Variants in ST8SIA4 observed in about 807,000 individuals in gnomAD.
ST8SIA4 encodes CMP-N-acetylneuraminate-poly-alpha-2,8-sialyltransferase.
A neutral mutation model predicts 33.9 loss-of-function variants in ST8SIA4; 15 were observed. That is an observed-to-expected ratio of 0.44 (90% CI 0.30 to 0.68). The LOEUF is 0.68. ST8SIA4 is among the 30% of genes least tolerant of loss of function. ST8SIA4 has a pLI of 0.10. For missense variants in ST8SIA4, 321 were observed against 428.0 expected, an observed-to-expected ratio of 0.75 and a Z score of 2.21; for synonymous variants, 171 against 151.2, an observed-to-expected ratio of 1.13 and a Z score of -0.96.
At chr5:100,851,949 C>G (rs1444039487) in intron 4 of ST8SIA4, among the ~76,000 whole-genome samples, 1 of 151,560 alleles carries the variant, frequency 6.6e-6, no homozygotes, top group Non-Finnish European at 1.5e-5. Context: ...ATAAAACTGT[C>G]ATTAATTTAA....
chr5:100,832,602 T>C (rs557700915), intron 4 of ST8SIA4, among the ~76,000 whole-genome samples: 1 of 152,140 alleles, frequency 6.6e-6, no homozygotes, highest in East Asian at 1.9e-4. Context: ...AATACATCCC[T>C]AACTAACTTC....
rs141002831 is a variant in ST8SIA4, at chr5:100,866,578, TCACACA to T, written c.504-10188_504-10183del. On this transcript the variant is annotated intron_variant, in intron 3 of 4. Coordinates refer to ENST00000231461, the MANE Select transcript of ST8SIA4 (RefSeq NM_005668.6). The stretch of plus-strand genomic sequence containing the variant: ...AGAATGCCAGGACCTCTTCTAAATT[TCACACA>T]CACACACACACACACACACACACAC... Among the ~76,000 whole-genome samples, 624 of 146,484 alleles carry T rather than the reference TCACACA, an allele frequency of 4.3e-3. 5 individuals carry two copies. Among genetic ancestry groups the T allele is most frequent in the African/African-American group, 0.011 (440 of 39,878 alleles).
intron 4 of ST8SIA4, among the ~76,000 whole-genome samples, chr5:100,838,252 G>A (rs1373127925): frequency 1.3e-5 from 2 of 151,996 alleles, no homozygotes; most frequent in Non-Finnish European, 2.9e-5. Flanking sequence ...AGAATCACCA[G>A]ATATTGAAAT....
chr5:100,892,729 A>G (rs1023853041), intron 2 of ST8SIA4, among the ~76,000 whole-genome samples: 3 of 152,108 alleles, frequency 2.0e-5, no homozygotes, highest in African/African-American at 7.2e-5. Context: ...TCAGTAAGAT[A>G]AAAAAATGGT....
Position 100,856,257 on chromosome 5 carries a change from G to C in ST8SIA4, c.643C>G (p.Leu215Val), listed in dbSNP as rs1325844969. ...AGGACACTGTCATTCAGCATGGAAA[G>C]TCTATGCACAAATTTTTCTCTGTCA... is the stretch of plus-strand genomic sequence containing the variant. ...ESDREKFVHRLSMLNDSVLWI... is the reference protein window; with the variant it reads ...ESDREKFVHRVSMLNDSVLWI... The change falls in exon 4 of 5, where the codon CTT (leucine) becomes GTT (valine). Residue 215 changes from leucine (L) to valine (V), a missense_variant. Leu to Val is a conservative substitution (Grantham distance 32). Transcript: ENST00000231461. 1 of 1,614,114 alleles carries C rather than the reference G, an allele frequency of 6.2e-7. No individual in the cohort carries two copies. Among genetic ancestry groups the C allele is most frequent in the Non-Finnish European group, 8.5e-7 (1 of 1,179,982 alleles).
intron 1 of ST8SIA4, chr5:100,900,498 G>A (rs541555507): frequency 1.1e-4 from 48 of 456,240 alleles, no homozygotes; most frequent in Non-Finnish European, 1.9e-4. Flanking sequence ...ATGAGCTCGG[G>A]TCACAAGCTT....
intron 1 of ST8SIA4, 29 bp downstream of exon 1, chr5:100,902,814 C>T (rs768116777): frequency 1.7e-5 from 26 of 1,561,836 alleles, no homozygotes; most frequent in Non-Finnish European, 2.3e-5. Context: ...GACTTTTTGT[C>T]ATATCCTGAA....
intron 3 of ST8SIA4, among the ~76,000 whole-genome samples, chr5:100,872,875 T>TAAAAAAA (rs550303574): frequency 7.6e-6 from 1 of 132,436 alleles, no homozygotes; most frequent in Non-Finnish European, 1.6e-5. Flanking sequence ...AGATATGGGC[T>TAAAAAAA]AAAAAAAAAA....
At chr5:100,898,733 T>C (rs1355396997) in intron 1 of ST8SIA4, among the ~76,000 whole-genome samples, 3 of 152,208 alleles carry the variant, frequency 2.0e-5, no homozygotes, top group Non-Finnish European at 4.4e-5. Flanking sequence ...TTCCCATGAA[T>C]GCGAAGCTTG....
In ST8SIA4 at chr5:100,809,782, T is replaced by C. The variant is rs1750778547; in HGVS notation, c.*2065A>G. The C allele has an allele frequency of 1.3e-5, 2 of 152,320 alleles. No individual in the cohort carries two copies. Among genetic ancestry groups the C allele is most frequent in the African/African-American group, 4.8e-5 (2 of 41,576 alleles). The allele number at this position is 152,320 out of a possible 1,614,324, so 9.4% of individuals were successfully genotyped here. On this transcript the variant is annotated 3_prime_UTR_variant, in exon 5 of 5. Transcript: ENST00000231461. ...TTTAATTATAAAAGTACATTAATGTTCCATTCATTTTTAGCTATCAGTCTC... is the reference window on the plus strand; with the variant it reads ...TTTAATTATAAAAGTACATTAATGTCCCATTCATTTTTAGCTATCAGTCTC...
At chr5:100,871,635 C>T (rs2112457238) in intron 3 of ST8SIA4, among the ~76,000 whole-genome samples, 1 of 152,100 alleles carries the variant, frequency 6.6e-6, no homozygotes, top group East Asian at 1.9e-4. Flanking sequence ...TAATTTGTGT[C>T]TCTAGTCAAC....
chr5:100,895,633 T>C (rs527306897), intron 2 of ST8SIA4, 21 bp downstream of exon 2: 2 of 1,596,984 alleles, frequency 1.3e-6, no homozygotes, highest in Non-Finnish European at 1.7e-6. Flanking sequence ...AAATTTATTA[T>C]GCCTTAGTAA....
chr5:100,830,151 T>G (rs1751222141), intron 4 of ST8SIA4, among the ~76,000 whole-genome samples: 1 of 152,212 alleles, frequency 6.6e-6, no homozygotes, highest in Non-Finnish European at 1.5e-5. Context: ...CTTGCAAAAC[T>G]GTTGAAGACC....
Position 100,811,482 on chromosome 5 carries a change from G to T in ST8SIA4, c.*365C>A. On this transcript the variant is annotated 3_prime_UTR_variant, in exon 5 of 5. Transcript: ENST00000231461. ...TTTAATTTCCCAAGGTCTGAGTTGC[G>T]TTCCTGGGGTTCCTCTTCTAATATG... 1 of 164,516 alleles carries T rather than the reference G, an allele frequency of 6.1e-6. No homozygotes were observed. Among genetic ancestry groups the T allele is most frequent in the Non-Finnish European group, 1.3e-5 (1 of 75,752 alleles). 10.2% of individuals were successfully genotyped at this position (164,516 alleles called of 1,614,324 possible). A position where few individuals can be genotyped will look rare whatever the true frequency, so the allele number is the denominator to read the frequency against.
intron 4 of ST8SIA4, among the ~76,000 whole-genome samples, chr5:100,836,241 C>A (rs899057964): frequency 6.6e-6 from 1 of 152,014 alleles, no homozygotes; most frequent in Admixed American, 6.6e-5. Context: ...TATGAGTAGA[C>A]ACTCTTAATA....
chr5:100,881,923 G>GT (rs1752434293), intron 3 of ST8SIA4, among the ~76,000 whole-genome samples: 1 of 152,218 alleles, frequency 6.6e-6, no homozygotes, highest in African/African-American at 2.4e-5. Context: ...ATGTGGAATT[G>GT]TAAGTCCAAT....
intron 4 of ST8SIA4, among the ~76,000 whole-genome samples, chr5:100,845,368 A>G (rs1197305650): frequency 6.6e-6 from 1 of 151,628 alleles, no homozygotes; most frequent in African/African-American, 2.4e-5. Context: ...TAAACTCCCA[A>G]CTATTTAATA....
intron 4 of ST8SIA4, among the ~76,000 whole-genome samples, chr5:100,819,580 A>G (rs1750996697): frequency 6.6e-6 from 1 of 152,232 alleles, no homozygotes. Context: ...CTTGCCAGCC[A>G]GTACAAGCAA....
intron 4 of ST8SIA4, chr5:100,849,222 A>G (rs2112431283): frequency 1.0e-6 from 1 of 985,344 alleles, no homozygotes; most frequent in Admixed American, 6.1e-5. Flanking sequence ...AGAACCAGTG[A>G]TTCTTAGAGC....
Sources: gnomAD v4.1 joint callset for allele counts (sites outside exome capture counted in the v4.1 genomes callset) on GRCh38, gnomAD v4.1.1 for gene constraint, MANE v1.5 for transcripts, NCBI Gene and HGNC (gene_info 2026-07-23, HGNC 2026-07-21) for gene names.